Variants in NOC4L observed in about 807,000 individuals in gnomAD.
NOC4L encodes the protein nucleolar complex protein 4 homolog.
NOC4L carries 40 observed loss-of-function variants against 62.8 expected under a neutral mutation model. That is an observed-to-expected ratio of 0.64 (90% CI 0.49 to 0.83). The LOEUF is 0.83. NOC4L is among the 40% of genes least tolerant of loss of function. The probability of loss-of-function intolerance (pLI) is 0.00; values close to 1 mark genes in which losing one functional copy is unlikely to be tolerated. For synonymous variants in NOC4L, 433 were observed against 299.8 expected, an observed-to-expected ratio of 1.44 and a Z score of -4.59; for missense variants, 927 against 701.9, an observed-to-expected ratio of 1.32 and a Z score of -3.62.
rs755467422 is a variant in NOC4L at position 132,152,125 on chromosome 12, C to T, written c.1359C>T (p.Ala453=). The T allele has an allele frequency of 5.0e-6, 8 of 1,612,318 alleles. No homozygotes were observed. The highest frequency in any genetic ancestry group is 6.8e-6 in the Non-Finnish European group (8 of 1,179,870). ...ACCACCCTGAGGTGTCCAAAGCCGC[C>T]AGCGTCATCAACCAGGCCCTGTCCA... is the stretch of plus-strand genomic sequence containing the variant. The part of the protein sequence containing the change: ...RHYHPEVSKA[A]SVINQALSMP... The change falls in exon 14 of 15, where the codon GCC becomes GCT. Residue 453 remains alanine, a synonymous_variant. Coordinates refer to ENST00000330579, the MANE Select transcript of NOC4L (RefSeq NM_024078.3).
chr12:132,148,735 C>CCGGGGGGGGGG, intron 8 of NOC4L, 49 bp from the exon 9 acceptor site: 3 of 1,309,272 alleles, frequency 2.3e-6, no homozygotes, highest in Non-Finnish European at 2.0e-6. Flanking sequence ...CCCGACCCGC[C>CCGGGGGGGGGG]GGCCCCCGCC....
At position 132,148,653 on chromosome 12, in the gene NOC4L, G is replaced by A; in HGVS notation, c.783G>A (p.Lys261=). Residue 261 remains lysine, a synonymous_variant, in exon 8 of 15, where the codon AAG becomes AAA. Coordinates refer to ENST00000330579, the MANE Select transcript of NOC4L (RefSeq NM_024078.3). ...VFQAMWLSFL[K]HKLPLSLYKK... is the part of the protein sequence containing the mutation. ...AGGCCATGTGGCTCAGCTTCCTCAA[G>A]CACAAGGTAGGGGCCAGGCCGGGGA... The A allele has an allele frequency of 8.1e-7, 1 of 1,236,914 alleles. No homozygotes were observed. The highest frequency in any genetic ancestry group is 2.9e-5 in the East Asian group (1 of 34,372). 76.6% of individuals were successfully genotyped at this position (1,236,914 alleles called of 1,614,324 possible).
chr12:132,151,961 T>C, intron 13 of NOC4L, 123 bp from the exon 14 acceptor site: 2 of 1,235,114 alleles, frequency 1.6e-6, no homozygotes, highest in Admixed American at 2.3e-5. Flanking sequence ...GCTGGGTGCT[T>C]GGCCTTCTCA....
chr12:132,145,937 TC>T (rs1450042368), intron 3 of NOC4L, among the ~76,000 whole-genome samples: 2 of 152,212 alleles, frequency 1.3e-5, no homozygotes, highest in African/African-American at 2.4e-5. Context: ...CTCGTGCCAG[TC>T]CACAGATGTG....
chr12:132,146,964 A>G (rs1246061973), intron 3 of NOC4L, among the ~76,000 whole-genome samples: 2 of 152,142 alleles, frequency 1.3e-5, no homozygotes, highest in Non-Finnish European at 2.9e-5. Flanking sequence ...CCCAAGGGTT[A>G]TGGTGGCATT....
rs77081180 is a variant in NOC4L at position 132,151,036 on chromosome 12, C to G, written c.957C>G (p.His319Gln). Residue 319 changes from histidine (H) to glutamine (Q), a missense_variant, in exon 10 of 15, where the codon CAC becomes CAG. Physicochemically the swap from His to Gln is conservative, Grantham distance 24. Coordinates refer to ENST00000330579, the MANE Select transcript of NOC4L (RefSeq NM_024078.3). ...GGCTGTTCATCTTGATTCACAAACACAACCTGTGAGTGTCACCAGGGGTGC... is the reference window on the plus strand; with the variant it reads ...GGCTGTTCATCTTGATTCACAAACAGAACCTGTGAGTGTCACCAGGGGTGC... ...LNGLFILIHK[H>Q]NLEYPDFYRK... is the part of the protein sequence containing the mutation. 1.9e-5 allele frequency: 30 copies of G among 1,610,628 alleles called. No homozygotes were observed. The highest frequency in any genetic ancestry group is 2.7e-5 in the African/African-American group (2 of 75,038).
intron 3 of NOC4L, among the ~76,000 whole-genome samples, chr12:132,146,647 G>A (rs1897738902): frequency 6.6e-6 from 1 of 152,182 alleles, no homozygotes; most frequent in African/African-American, 2.4e-5. Flanking sequence ...CCGAGCTGCA[G>A]ACTTTTAAAT....
At position 132,151,508 on chromosome 12, in the gene NOC4L, C is replaced by T. The variant is rs767817119; in HGVS notation, c.1098C>T (p.Ala366=). The T allele has an allele frequency of 1.1e-5, 17 of 1,604,980 alleles. No homozygotes were observed. Among genetic ancestry groups the T allele is most frequent in the East Asian group, 4.5e-5 (2 of 44,834 alleles). ...GCCACCTCCCCGCCTACCTGGTGGC[C>T]GCCTTCGCCAAGCGGCTGGCCCGCC... ...SSSHLPAYLV[A]AFAKRLARLA... is the part of the protein sequence containing the mutation. Residue 366 remains alanine (A), a synonymous_variant, in exon 12 of 15, where the codon GCC becomes GCT. Transcript: ENST00000330579.
At chr12:132,146,516 A>C (rs1405873079) in intron 3 of NOC4L, among the ~76,000 whole-genome samples, 1 of 152,116 alleles carries the variant, frequency 6.6e-6, no homozygotes, top group African/African-American at 2.4e-5. Context: ...CTGTGTTTTT[A>C]ATGTTCTGAG....
Position 132,152,207 on chromosome 12 carries a change from T to C in NOC4L, c.1431+10T>C, listed in dbSNP as rs769204893. On this transcript the variant is annotated intron_variant, in intron 14 of 14. Transcript: ENST00000330579. ...GCTCACGGCCTACGAGGTGCGGAAC[T>C]GGGCCAGGGTGCGAGGGTCTGGGCC... is the stretch of plus-strand genomic sequence containing the variant. The C allele has an allele frequency of 6.8e-6, 11 of 1,609,880 alleles. No homozygotes were observed. The highest frequency in any genetic ancestry group is 2.7e-5 in the African/African-American group (2 of 74,868).
intron 13 of NOC4L, 38 bp downstream of exon 13, chr12:132,151,858 C>G (rs1257783478): frequency 6.3e-7 from 1 of 1,586,402 alleles, no homozygotes; most frequent in African/African-American, 1.3e-5. Context: ...GCCTCCCGAG[C>G]CATCCTTCGG....
chr12:132,146,512 T>G (rs1384254072), intron 3 of NOC4L: 2 of 379,140 alleles, frequency 5.3e-6, no homozygotes, highest in African/African-American at 4.2e-5. Flanking sequence ...GCAGCTGTGT[T>G]TTTAATGTTC....
chr12:132,148,892 C>G lies in NOC4L; in HGVS notation c.898C>G (p.Leu300Val), dbSNP rs1275394271. 1 of 1,359,444 alleles carries G rather than the reference C, an allele frequency of 7.4e-7. No homozygotes were observed. Among genetic ancestry groups the G allele is most frequent in the African/African-American group, 1.5e-5 (1 of 65,590 alleles). The allele number at this position is 1,359,444 out of a possible 1,614,324, so 84.2% of individuals were successfully genotyped here. ...MIDFLTRACDLGGALSLLALN... is the reference protein window; with the variant it reads ...MIDFLTRACDVGGALSLLALN... ...CGACTTCCTCACCCGCGCCTGCGACCTCGGTGAGTGCCGCCGCCTCGCTCA... is the reference window on the plus strand; with the variant it reads ...CGACTTCCTCACCCGCGCCTGCGACGTCGGTGAGTGCCGCCGCCTCGCTCA... The change falls in exon 9 of 15, where the codon CTC (leucine) becomes GTC (valine). Residue 300 changes from leucine (L) to valine (V), a missense_variant. Coordinates refer to ENST00000330579, the MANE Select transcript of NOC4L (RefSeq NM_024078.3).
At position 132,148,894 on chromosome 12, in the gene NOC4L, C is replaced by G; in HGVS notation, c.900C>G (p.Leu300=). Residue 300 remains leucine (L), a splice_region_variant and synonymous_variant, in exon 9 of 15, where the codon CTC becomes CTG. Coordinates refer to ENST00000330579, the MANE Select transcript of NOC4L (RefSeq NM_024078.3). The part of the protein sequence containing the change: ...MIDFLTRACD[L]GGALSLLALN... Reference sequence around the variant, plus strand: ...ACTTCCTCACCCGCGCCTGCGACCTCGGTGAGTGCCGCCGCCTCGCTCACA... The same window carrying G: ...ACTTCCTCACCCGCGCCTGCGACCTGGGTGAGTGCCGCCGCCTCGCTCACA... The G allele has an allele frequency of 7.4e-7, 1 of 1,346,348 alleles. No homozygotes were observed. The highest frequency in any genetic ancestry group is 2.1e-5 in the Admixed American group (1 of 47,614). 83.4% of individuals were successfully genotyped at this position (1,346,348 alleles called of 1,614,324 possible).
Position 132,152,298 on chromosome 12 carries a change from TGAA to T in NOC4L, c.1456_1458del (p.Lys486del), listed in dbSNP as rs774977420. 43 of 1,561,968 alleles carry T rather than the reference TGAA, an allele frequency of 2.8e-5. No individual in the cohort carries two copies. Among genetic ancestry groups the T allele is most frequent in the East Asian group, 2.4e-4 (10 of 41,490 alleles). On this transcript the variant is annotated inframe_deletion, in exon 15 of 15. Coordinates refer to ENST00000330579, the MANE Select transcript of NOC4L (RefSeq NM_024078.3). ...GCTTTGCAGATCTTTGAGCGGGACC[TGAA>T]GAAGAAGGGGCCCGAGCCGGTGCCA...
In NOC4L at chr12:132,151,240, CT is replaced by C; in HGVS notation, c.963-16del. ...CCGGGCCCTGCTCCATCCGCTGCTC[CT>C]TCCCCCCGGCCCGCAGGGAGTACCC... is the stretch of plus-strand genomic sequence containing the variant. On this transcript the variant is annotated splice_polypyrimidine_tract_variant and intron_variant, in intron 10 of 14. Transcript: ENST00000330579. 1 of 1,601,572 alleles carries C rather than the reference CT, an allele frequency of 6.2e-7. No homozygotes were observed. The highest frequency in any genetic ancestry group is 8.5e-7 in the Non-Finnish European group (1 of 1,171,368).
In NOC4L at chr12:132,145,560, G is replaced by T. The variant is rs1437166049; in HGVS notation, c.240G>T (p.Gly80=). 2 of 1,610,576 alleles carry T rather than the reference G, an allele frequency of 1.2e-6. No individual in the cohort carries two copies. The highest frequency in any genetic ancestry group is 1.7e-6 in the Non-Finnish European group (2 of 1,177,988). The stretch of plus-strand genomic sequence containing the variant: ...CTGACCACCCTAACCTGTCTGCAGG[G>T]TCCCAGGGAGCCACACGGAAGTACA... ...QLPSEEMVMT[G]SQGATRKYKV... is the part of the protein sequence containing the mutation. Residue 80 remains glycine (G), a splice_region_variant and synonymous_variant, in exon 3 of 15, where the codon GGG becomes GGT. Transcript: ENST00000330579.
rs138348383 is a variant in NOC4L, at chr12:132,151,278, G to A, written c.983G>A (p.Arg328Gln). ...CGCAGGGAGTACCCTGACTTCTACC[G>A]GAAGCTCTACGGCCTCTTGGACCCC... ...KHNLEYPDFY[R>Q]KLYGLLDPSV... The change falls in exon 11 of 15, where the codon CGG becomes CAG. Residue 328 changes from arginine (R) to glutamine (Q), a missense_variant. Physicochemically the swap from Arg to Gln is conservative, Grantham distance 43 (BLOSUM62 1). Transcript: ENST00000330579. 578 of 1,611,784 alleles carry A rather than the reference G, an allele frequency of 3.6e-4. 5 individuals are homozygous for A. In the East Asian group the frequency reaches 6.7e-3, roughly 19 times the overall value.
At position 132,147,692 on chromosome 12, in the gene NOC4L, C is replaced by A; in HGVS notation, c.513C>A (p.Phe171Leu). ...ACCAGAGCCTGCTCCTGTCCCAGTT[C>A]CGGGAGTACCTGGACTACGACGACA... The part of the protein sequence containing the change: ...EEDQSLLLSQ[F>L]REYLDYDDTR... Residue 171 changes from phenylalanine (F) to leucine (L), a missense_variant, in exon 5 of 15, where the codon TTC becomes TTA. Phe to Leu is a conservative substitution (Grantham distance 22). Coordinates refer to ENST00000330579, the MANE Select transcript of NOC4L (RefSeq NM_024078.3). 6.2e-7 allele frequency: 1 copy of A among 1,612,948 alleles called. No homozygotes were observed. Among genetic ancestry groups the A allele is most frequent in the Non-Finnish European group, 8.5e-7 (1 of 1,179,962 alleles).
Sources: allele counts gnomAD v4.1 joint callset (sites outside exome capture counted in the v4.1 genomes callset), GRCh38; gene constraint gnomAD v4.1.1; transcripts MANE v1.5; gene names NCBI Gene and HGNC (gene_info 2026-07-23, HGNC 2026-07-21).